CA4: variants seen among roughly 807,000 people sequenced by gnomAD.
The protein encoded by CA4 is carbonic anhydrase 4, also known as CA-IV.
CA4 carries 24 observed loss-of-function variants against 34.5 expected under a neutral mutation model. The ratio of observed to expected loss-of-function variants is 0.70; its 90% CI spans 0.50 to 0.98. CA4 has a LOEUF of 0.98. Among genes scored for constraint, CA4 ranks in the 50% least tolerant of loss-of-function variants. The pLI is 0.00. For synonymous variants in CA4, 178 were observed against 170.6 expected (o/e 1.04, Z -0.34); for missense variants, 394 against 396.7 (o/e 0.99, Z 0.06).
chr17:60,176,795 G>C, the CA4 span, among the ~76,000 whole-genome samples: 4 of 152,118 alleles, frequency 2.6e-5, no homozygotes, highest in African/African-American at 9.7e-5. Flanking sequence ...CTGGGGGATG[G>C]GGGGAGTGGT....
the CA4 span, among the ~76,000 whole-genome samples, chr17:60,176,702 A>G: frequency 2.6e-5 from 4 of 152,070 alleles, no homozygotes; most frequent in Admixed American, 6.5e-5. Context: ...CACTGGAGGG[A>G]TCTTGTTCTA....
At chr17:60,155,618 TCAAA>T (rs1402770852) in intron 2 of CA4, among the ~76,000 whole-genome samples, 42 of 140,228 alleles carry the variant, frequency 3.0e-4, no homozygotes, top group African/African-American at 1.0e-3. Context: ...AAGCACACAC[TCAAA>T]CACTCACACT....
chr17:60,178,774 A>G, the CA4 span, among the ~76,000 whole-genome samples: 8 of 152,256 alleles, frequency 5.3e-5, no homozygotes, highest in Non-Finnish European at 1.2e-4. Flanking sequence ...CACCTTCGTG[A>G]TCTTGCTTTC....
rs1183334050 is a variant in CA4 at position 60,150,141 on chromosome 17, T to C, written c.58+49T>C. On this transcript the variant is annotated intron_variant, in intron 1 of 7. Transcript: ENST00000300900. ...AGGTGCCCCTCGGCGGTCCCCTCCG[T>C]GCCCCCAGCTCCCGCCCCTGCAGAG... 4 of 1,457,688 alleles carry C rather than the reference T, an allele frequency of 2.7e-6. No homozygotes were observed. In the Admixed American group the frequency reaches 5.3e-5, roughly 19 times the overall value. The allele number at this position is 1,457,688 out of a possible 1,614,324, so 90.3% of individuals were successfully genotyped here. A position where few individuals can be genotyped will look rare whatever the true frequency, so the allele number is the denominator to read the frequency against.
chr17:60,154,236 A>C (rs2083639660), intron 1 of CA4, among the ~76,000 whole-genome samples: 1 of 3,396 alleles, frequency 2.9e-4, no homozygotes, highest in Admixed American at 3.6e-3. Context: ...AAAGGAGGCC[A>C]TGGGGTGGGT....
intron 7 of CA4, chr17:60,158,788 C>T (rs555281877): frequency 1.9e-5 from 8 of 429,448 alleles, no homozygotes; most frequent in Non-Finnish European, 3.0e-5. Flanking sequence ...TCTCAAAGTG[C>T]GGCCCCTGGA....
At chr17:60,154,415 C>T (rs1051839249) in intron 1 of CA4, among the ~76,000 whole-genome samples, 3 of 152,176 alleles carry the variant, frequency 2.0e-5, no homozygotes, top group Admixed American at 2.0e-4. Flanking sequence ...GCCCCCAAAC[C>T]CATCTAAGCC....
chr17:60,154,027 C>T (rs1245411964), intron 1 of CA4, among the ~76,000 whole-genome samples: 1 of 152,136 alleles, frequency 6.6e-6, no homozygotes, highest in Admixed American at 6.5e-5. Flanking sequence ...GGGGACTCTA[C>T]CCTGGCTTAG....
downstream of CA4, among the ~76,000 whole-genome samples, chr17:60,164,528 T>C (rs2083835338): frequency 1.3e-5 from 2 of 152,132 alleles, no homozygotes; most frequent in African/African-American, 4.8e-5. Context: ...TAGCTGGTAC[T>C]ACAGGCGCAT....
At chr17:60,172,025 C>T (rs1450984840), downstream of CA4, among the ~76,000 whole-genome samples, 3 of 152,188 alleles carry the variant, frequency 2.0e-5, no homozygotes, top group South Asian at 2.1e-4. Context: ...TGATGATGGC[C>T]GTAGGTATCT....
the CA4 span, among the ~76,000 whole-genome samples, chr17:60,178,939 A>G: frequency 6.6e-6 from 1 of 152,240 alleles, no homozygotes; most frequent in South Asian, 2.1e-4. Flanking sequence ...TACTCACTAC[A>G]TATTTGTTCA....
At chr17:60,175,841 G>T (rs8070688), downstream of CA4, among the ~76,000 whole-genome samples, 8,861 of 145,426 alleles carry the variant, frequency 0.061, 924 homozygotes, top group African/African-American at 0.22. Context: ...TTTTTGAGAC[G>T]GAGTTTCGCT....
At chr17:60,150,834 C>T (rs1424156938) in intron 1 of CA4, among the ~76,000 whole-genome samples, 1 of 151,804 alleles carries the variant, frequency 6.6e-6, no homozygotes, top group Non-Finnish European at 1.5e-5. Flanking sequence ...TGGCAGGGTC[C>T]TGGAAGCCGC....
chr17:60,154,425 C>A (rs2083644560), intron 1 of CA4, among the ~76,000 whole-genome samples: 1 of 152,150 alleles, frequency 6.6e-6, no homozygotes, highest in African/African-American at 2.4e-5. Flanking sequence ...CCATCTAAGC[C>A]CCCTGAGCGG....
At chr17:60,171,200 A>G (rs2083908124), downstream of CA4, among the ~76,000 whole-genome samples, 1 of 152,230 alleles carries the variant, frequency 6.6e-6, no homozygotes, top group Admixed American at 6.5e-5. Context: ...AGTGGTAGAT[A>G]CTCAATGAAC....
At chr17:60,177,131 G>C in the CA4 span, among the ~76,000 whole-genome samples, 6 of 152,172 alleles carry the variant, frequency 3.9e-5, no homozygotes, top group Admixed American at 2.0e-4. Context: ...CTGTAAGTCA[G>C]AAAGAAATTA....
chr17:60,156,822 C>A, intron 3 of CA4, 107 bp downstream of exon 3: 1 of 1,043,004 alleles, frequency 9.6e-7, no homozygotes, highest in Non-Finnish European at 1.5e-6. Context: ...CCCATCTGTG[C>A]TGTGAGGTGG....
At chr17:60,159,680 C>T (rs996532240), downstream of CA4, 2 of 592,022 alleles carry the variant, frequency 3.4e-6, no homozygotes, top group Admixed American at 2.9e-5. Context: ...ACCAGGTGTC[C>T]CCACTCCCGT....
chr17:60,165,051 G>A (rs1296383419), intron 5 of CA4, among the ~76,000 whole-genome samples: 2 of 152,180 alleles, frequency 1.3e-5, no homozygotes, highest in East Asian at 1.9e-4. Context: ...CGGGACAAGA[G>A]GAGATATTCA....
Sources: allele counts gnomAD v4.1 joint callset (sites outside exome capture counted in the v4.1 genomes callset), GRCh38; gene constraint gnomAD v4.1.1; transcripts MANE v1.5; gene names NCBI Gene and HGNC (gene_info 2026-07-23, HGNC 2026-07-21).